Variants in MYO1E observed in about 807,000 individuals in gnomAD.
The protein encoded by MYO1E is myosin IE.
Under a neutral mutation model 151.1 loss-of-function variants are expected in MYO1E, and 68 were observed. That is an observed-to-expected ratio of 0.45 (90% CI 0.37 to 0.55). The LOEUF is 0.55. MYO1E is among the 20% of genes least tolerant of loss of function. The probability of loss-of-function intolerance (pLI) is 0.00; values close to 1 mark genes in which losing one functional copy is unlikely to be tolerated. For missense variants in MYO1E, 1,363 were observed against 1,389.3 expected (o/e 0.98, Z 0.30); for synonymous variants, 601 against 501.7 (o/e 1.20, Z -2.64).
At chr15:59,170,759 TAGAATC>T (rs1466410209) in intron 22 of MYO1E, among the ~76,000 whole-genome samples, 2 of 152,080 alleles carry the variant, frequency 1.3e-5, no homozygotes, top group Non-Finnish European at 2.9e-5. Context: ...TAGGAACAGA[TAGAATC>T]AGAAACCACA....
At chr15:59,160,539 G>A (rs1375766829) in intron 24 of MYO1E, among the ~76,000 whole-genome samples, 4 of 151,064 alleles carry the variant, frequency 2.6e-5, no homozygotes, top group South Asian at 2.1e-4. Flanking sequence ...CCTCCGGAGT[G>A]GCTGGGACTA....
At chr15:59,207,758 C>G in intron 14 of MYO1E, 7 of 1,614,132 alleles carry the variant, frequency 4.3e-6, no homozygotes, top group Non-Finnish European at 5.9e-6. Flanking sequence ...GATAAAGATC[C>G]TGAGCAATGG....
intron 17 of MYO1E, among the ~76,000 whole-genome samples, chr15:59,194,148 T>G (rs2079751225): frequency 6.6e-6 from 1 of 150,872 alleles, no homozygotes; most frequent in Non-Finnish European, 1.5e-5. Flanking sequence ...CACTCCAGCC[T>G]GGGTGACAGA....
chr15:59,316,519 G>A (rs541533494), intron 1 of MYO1E, among the ~76,000 whole-genome samples: 43 of 152,268 alleles, frequency 2.8e-4, no homozygotes, highest in Admixed American at 1.2e-3. Flanking sequence ...GAAAGAAAAC[G>A]AATGGAAATG....
chr15:59,213,136 T>TTTATTATTA (rs147109664), intron 12 of MYO1E, among the ~76,000 whole-genome samples: 67 of 139,366 alleles, frequency 4.8e-4, no homozygotes, highest in African/African-American at 1.4e-3. Context: ...GAACTATTTA[T>TTTATTATTA]TTATTATTAT....
In MYO1E at chr15:59,214,542, TTC is replaced by T. The variant is rs2079901703; in HGVS notation, c.1188+96_1188+97del. ...GTTTTTTTTGTTGTTGTGGTTTGTT[TTC>T]TGTTTTTTTGTTTTTGCATTGCCTA... On this transcript the variant is annotated intron_variant, in intron 11 of 27. Coordinates refer to ENST00000288235, the MANE Select transcript of MYO1E (RefSeq NM_004998.4). The T allele has an allele frequency of 1.1e-5, 14 of 1,233,698 alleles. No homozygotes were observed. The South Asian group carries it at 1.5e-4, about 13-fold the overall frequency. 76.4% of individuals were successfully genotyped at this position (1,233,698 alleles called of 1,614,324 possible).
At chr15:59,286,549 G>A (rs1329547624) in intron 1 of MYO1E, among the ~76,000 whole-genome samples, 1 of 152,156 alleles carries the variant, frequency 6.6e-6, no homozygotes, top group African/African-American at 2.4e-5. Context: ...ACTGTGTCTG[G>A]ACGTGCTAAG....
intron 1 of MYO1E, among the ~76,000 whole-genome samples, chr15:59,322,520 A>T (rs1222707493): frequency 6.6e-6 from 1 of 152,232 alleles, no homozygotes; most frequent in Non-Finnish European, 1.5e-5. Flanking sequence ...AACAATCCAG[A>T]TCATATGAGT....
intron 1 of MYO1E, among the ~76,000 whole-genome samples, chr15:59,277,286 C>T (rs749408304): frequency 1.3e-5 from 2 of 152,132 alleles, no homozygotes; most frequent in Non-Finnish European, 2.9e-5. Context: ...GTGGCTCATA[C>T]CTGTAATTCC....
At chr15:59,163,379 T>C in intron 22 of MYO1E, 76 bp from the exon 23 acceptor site, 1 of 1,479,180 alleles carries the variant, frequency 6.8e-7, no homozygotes, top group South Asian at 1.2e-5. Flanking sequence ...TTTCTTCCAT[T>C]TTAAAAATCC....
chr15:59,283,607 A>C (rs2080370033), intron 1 of MYO1E, among the ~76,000 whole-genome samples: 1 of 152,200 alleles, frequency 6.6e-6, no homozygotes, highest in Non-Finnish European at 1.5e-5. Context: ...CATTATTATT[A>C]TTCTCACGTA....
intron 26 of MYO1E, among the ~76,000 whole-genome samples, chr15:59,141,770 C>T (rs2079410809): frequency 6.9e-6 from 1 of 145,086 alleles, no homozygotes; most frequent in South Asian, 2.2e-4. Context: ...TGCACTCCAG[C>T]CTGGGCCACA....
At chr15:59,369,500 T>C (rs1181279152) in intron 1 of MYO1E, among the ~76,000 whole-genome samples, 3 of 152,186 alleles carry the variant, frequency 2.0e-5, no homozygotes, top group African/African-American at 7.2e-5. Context: ...CCTTTGCAGA[T>C]GATGATAAGC....
chr15:59,137,754 C>G (rs1472222493), intron 27 of MYO1E, among the ~76,000 whole-genome samples: 1 of 152,230 alleles, frequency 6.6e-6, no homozygotes, highest in Non-Finnish European at 1.5e-5. Flanking sequence ...CTCCCCGTTT[C>G]TGGGGACAGC....
At chr15:59,202,147 A>G (rs2079806073) in intron 16 of MYO1E, among the ~76,000 whole-genome samples, 179 bp downstream of exon 16, 1 of 152,232 alleles carries the variant, frequency 6.6e-6, no homozygotes, top group Non-Finnish European at 1.5e-5. Context: ...GGTACAGCCA[A>G]GTCAAATTCA....
At chr15:59,324,475 G>C (rs1166419334) in intron 1 of MYO1E, among the ~76,000 whole-genome samples, 1 of 152,120 alleles carries the variant, frequency 6.6e-6, no homozygotes, top group Non-Finnish European at 1.5e-5. Flanking sequence ...CTTTGGAGTT[G>C]GGCATGTTCT....
At position 59,315,796 on chromosome 15, in the gene MYO1E, T is replaced by A. The variant is rs1297093015; in HGVS notation, c.4-43347A>T. ...GCCCCAATGCTGCTGCTGTTGCTGT[T>A]AATAAAAATATTAAAATAAGCACAC... On this transcript the variant is annotated intron_variant, in intron 1 of 27. Transcript: ENST00000288235. Among the ~76,000 whole-genome samples, 5 of 152,314 alleles carry A rather than the reference T, an allele frequency of 3.3e-5. No individual in the cohort carries two copies. In the East Asian group the frequency reaches 9.7e-4, roughly 29 times the overall value.
chr15:59,174,258 AC>A lies in MYO1E; in HGVS notation c.2050-19del. On this transcript the variant is annotated intron_variant, in intron 19 of 27. Transcript: ENST00000288235. ...AGAAATAGCTGTGAATGGAGAGAAG[AC>A]AAATGTGAGCCAAGCCCCAAGCCCC... 2 of 1,572,594 alleles carry A rather than the reference AC, an allele frequency of 1.3e-6. No individual in the cohort carries two copies. The highest frequency in any genetic ancestry group is 1.8e-6 in the Non-Finnish European group (2 of 1,142,548).
intron 14 of MYO1E, 91 bp from the exon 15 acceptor site, chr15:59,205,576 C>A: frequency 7.7e-7 from 1 of 1,292,854 alleles, no homozygotes; most frequent in Non-Finnish European, 1.1e-6. Flanking sequence ...CTAATTTCAC[C>A]AAACAAAAAA....
Sources: gnomAD v4.1 joint callset for allele counts (sites outside exome capture counted in the v4.1 genomes callset) on GRCh38, gnomAD v4.1.1 for gene constraint, MANE v1.5 for transcripts, NCBI Gene and HGNC (gene_info 2026-07-23, HGNC 2026-07-21) for gene names.